CACNA1G: variants seen among roughly 807,000 people sequenced by gnomAD.
The protein encoded by CACNA1G is calcium voltage-gated channel subunit alpha1 G, also known as voltage-dependent T-type calcium channel subunit alpha-1G.
CACNA1G carries 67 observed loss-of-function variants against 219.4 expected under a neutral mutation model. The ratio of observed to expected loss-of-function variants is 0.31; its 90% CI spans 0.25 to 0.37. The LOEUF (loss-of-function observed/expected upper bound fraction) is 0.37. Among genes scored for constraint, CACNA1G ranks in the 10% least tolerant of loss-of-function variants. CACNA1G has a pLI of 1.00. For synonymous variants in CACNA1G, 1,296 were observed against 1,345.3 expected (o/e 0.96, Z 0.80); for missense variants, 2,380 against 3,231.4 (o/e 0.74, Z 6.39).
At chr17:50,623,789 G>T in intron 35 of CACNA1G, 118 bp from the exon 36 acceptor site, 1 of 1,050,534 alleles carries the variant, frequency 9.5e-7, no homozygotes, top group Non-Finnish European at 1.4e-6. Flanking sequence ...TGTCCTGGGA[G>T]GGCACGGGGG....
intron 1 of CACNA1G, 86 bp downstream of exon 1, chr17:50,561,787 C>G: frequency 1.6e-6 from 2 of 1,277,642 alleles, no homozygotes; most frequent in Non-Finnish European, 2.0e-6. Flanking sequence ...GAAGACCCAC[C>G]GCCAGGTGAG....
intron 10 of CACNA1G, 120 bp from the exon 11 acceptor site, chr17:50,591,315 C>A: frequency 1.0e-6 from 1 of 990,910 alleles, no homozygotes; most frequent in Non-Finnish European, 1.4e-6. Context: ...CCCACCTGTG[C>A]CCCATTTTCT....
chr17:50,624,324 T>TCCCCCCCCCCCCCCC, intron 36 of CACNA1G, 36 bp from the exon 37 acceptor site: 4 of 1,177,654 alleles, frequency 3.4e-6, no homozygotes, highest in Admixed American at 2.1e-5. Context: ...CTCCATTCTC[T>TCCCCCCCCCCCCCCC]CCCCCCACCC....
intron 27 of CACNA1G, 37 bp from the exon 28 acceptor site, chr17:50,616,238 C>T: frequency 7.3e-7 from 1 of 1,361,400 alleles, no homozygotes. Flanking sequence ...AGCCCTGGGC[C>T]TTAAGGGACC....
chr17:50,625,249 G>T (rs1333547334), intron 37 of CACNA1G, among the ~76,000 whole-genome samples: 1 of 152,234 alleles, frequency 6.6e-6, no homozygotes, highest in Non-Finnish European at 1.5e-5. Flanking sequence ...ACCGCGCCCG[G>T]CCCCAGAGCC....
In CACNA1G at chr17:50,627,126, T is replaced by C. The variant is rs1194224137; in HGVS notation, c.*375T>C. On this transcript the variant is annotated 3_prime_UTR_variant, in exon 38 of 38. Transcript: ENST00000359106. ...GAAGAGACTTGTTTCCTTCTACTTT[T>C]ATGTGTCTCAGAATATTTTTGAGGC... The C allele has an allele frequency of 2.2e-6, 1 of 463,192 alleles. No homozygotes were observed. Among genetic ancestry groups the C allele is most frequent in the African/African-American group, 2.0e-5 (1 of 50,490 alleles). 28.7% of individuals were successfully genotyped at this position (463,192 alleles called of 1,614,324 possible). A position where few individuals can be genotyped will look rare whatever the true frequency, so the allele number is the denominator to read the frequency against.
At chr17:50,608,268 A>G (rs2048372919) in intron 25 of CACNA1G, among the ~76,000 whole-genome samples, 2 of 152,010 alleles carry the variant, frequency 1.3e-5, no homozygotes, top group South Asian at 4.1e-4. Flanking sequence ...CCTCAGCATC[A>G]TCCTCCCCAG....
chr17:50,601,253 C>T, intron 19 of CACNA1G, 79 bp downstream of exon 19: 2 of 1,546,684 alleles, frequency 1.3e-6, no homozygotes, highest in South Asian at 1.2e-5. Context: ...AAGGAGGCCA[C>T]AGTTGCTGAC....
chr17:50,619,831 C>G lies in CACNA1G; in HGVS notation c.5925+5C>G, dbSNP rs2051366911. On this transcript the variant is annotated splice_donor_5th_base_variant and intron_variant, in intron 34 of 37. Transcript: ENST00000359106. ...CTGGGAGGCTCCGACCCACAGGTTACTGTGCCCCTGTGCTGTGCCCTCTCC... is the reference window on the plus strand; with the variant it reads ...CTGGGAGGCTCCGACCCACAGGTTAGTGTGCCCCTGTGCTGTGCCCTCTCC... 2 of 1,599,178 alleles carry G rather than the reference C, an allele frequency of 1.3e-6. No individual in the cohort carries two copies. The highest frequency in any genetic ancestry group is 1.7e-6 in the Non-Finnish European group (2 of 1,175,668).
chr17:50,608,072 T>A, intron 25 of CACNA1G, 53 bp downstream of exon 25: 1 of 1,522,900 alleles, frequency 6.6e-7, no homozygotes, highest in Non-Finnish European at 8.9e-7. Context: ...CTCTGGGTCG[T>A]GCTTGACCTT....
chr17:50,617,818 G>T lies in CACNA1G; in HGVS notation c.5156-41G>T, dbSNP rs1296671074. 2.5e-6 allele frequency: 4 copies of T among 1,605,104 alleles called. No homozygotes were observed. The African/African-American group carries it at 4.0e-5, about 16-fold the overall frequency. On this transcript the variant is annotated intron_variant, in intron 29 of 37. Transcript: ENST00000359106. This position sits in a 1 kb window ranked among gnomAD's most constrained non-coding sequence, Gnocchi z 5.8. ...TGACTCTGCCAGCTGTCTGGCCGGG[G>T]ACCCAAAGAGGCCAGCTCATGACGT... is the stretch of plus-strand genomic sequence containing the variant.
intron 36 of CACNA1G, 92 bp downstream of exon 36, chr17:50,624,167 G>A: frequency 6.7e-7 from 1 of 1,484,730 alleles, no homozygotes; most frequent in Non-Finnish European, 9.2e-7. Flanking sequence ...GGGAACTGAG[G>A]CAGCCAAAGA....
chr17:50,613,286 T>C (rs2049653401), intron 26 of CACNA1G, among the ~76,000 whole-genome samples: 1 of 152,216 alleles, frequency 6.6e-6, no homozygotes, highest in African/African-American at 2.4e-5. Flanking sequence ...GGACCTGTGC[T>C]CTAATGGGGG....
At chr17:50,613,511 C>T (rs986784585) in intron 26 of CACNA1G, among the ~76,000 whole-genome samples, 1 of 152,148 alleles carries the variant, frequency 6.6e-6, no homozygotes, top group African/African-American at 2.4e-5. Flanking sequence ...TTGGTGGGAG[C>T]AGCTGCTCCG....
chr17:50,574,321 C>T (rs1366781649), intron 7 of CACNA1G, among the ~76,000 whole-genome samples: 1 of 152,192 alleles, frequency 6.6e-6, no homozygotes, highest in East Asian at 1.9e-4. Flanking sequence ...CTACTCAGGA[C>T]CTAGGACTAG....
chr17:50,624,342 G>GGC lies in CACNA1G; in HGVS notation c.6230-18_6230-17insGC. ...CATTCTCTCCCCCCACCCCTCCCCC[G>GGC]CTTCCCTCCCTCCACAGGCTCCGTC... On this transcript the variant is annotated splice_polypyrimidine_tract_variant and intron_variant, in intron 36 of 37. Transcript: ENST00000359106. 3.3e-5 allele frequency: 23 copies of GGC among 692,780 alleles called. No homozygotes were observed. Among genetic ancestry groups the GGC allele is most frequent in the Non-Finnish European group, 4.7e-5 (23 of 491,220 alleles). 42.9% of individuals were successfully genotyped at this position (692,780 alleles called of 1,614,324 possible). A position where few individuals can be genotyped will look rare whatever the true frequency, so the allele number is the denominator to read the frequency against.
chr17:50,561,816 GTAGGCGGA>G, intron 1 of CACNA1G, 115 bp downstream of exon 1: 1 of 477,166 alleles, frequency 2.1e-6, no homozygotes, highest in Non-Finnish European at 3.2e-6. Context: ...AGCCCGGAGG[GTAGGCGGA>G]TGGGGGGGGG....
intron 24 of CACNA1G, 75 bp from the exon 25 acceptor site, chr17:50,607,752 C>T: frequency 3.0e-6 from 4 of 1,340,956 alleles, no homozygotes; most frequent in Non-Finnish European, 4.3e-6. Context: ...TCGCAGGAAC[C>T]CAGGCTGTGG....
chr17:50,611,950 G>A (rs770741423), intron 26 of CACNA1G, among the ~76,000 whole-genome samples: 6 of 152,212 alleles, frequency 3.9e-5, no homozygotes, highest in African/African-American at 7.2e-5. Context: ...GGTGGCACAC[G>A]CAGGCATGTA....
Sources: gnomAD v4.1 joint callset for allele counts (sites outside exome capture counted in the v4.1 genomes callset) on GRCh38, gnomAD v4.1.1 for gene constraint, Gnocchi (gnomAD v3.1) non-coding constraint, MANE v1.5 for transcripts, NCBI Gene and HGNC (gene_info 2026-07-23, HGNC 2026-07-21) for gene names.